The following NPAS3 variants were observed in gnomAD, a reference collection of about 807,000 sequenced individuals.
NPAS3 encodes neuronal PAS domain protein 3.
NPAS3 carries 14 observed loss-of-function variants against 73.1 expected under a neutral mutation model. The ratio of observed to expected loss-of-function variants is 0.19; its 90% CI spans 0.13 to 0.30. NPAS3 has a LOEUF of 0.30. Ranked by LOEUF, NPAS3 falls within the 10% of genes least tolerant of loss-of-function variation. The probability of loss-of-function intolerance (pLI) is 1.00; values close to 1 mark genes in which losing one functional copy is unlikely to be tolerated. For missense variants in NPAS3, 1,096 were observed against 1,250.0 expected, an observed-to-expected ratio of 0.88 and a Z score of 1.86; for synonymous variants, 620 against 541.5, an observed-to-expected ratio of 1.14 and a Z score of -2.01.
intron 3 of NPAS3, among the ~76,000 whole-genome samples, chr14:33,294,950 A>G (rs1418789307): frequency 6.6e-6 from 1 of 152,170 alleles, no homozygotes; most frequent in Non-Finnish European, 1.5e-5. Context: ...TTCCAATGTG[A>G]TGCTGTGGTG....
chr14:33,773,921 A>T (rs1383865270), intron 7 of NPAS3, among the ~76,000 whole-genome samples: 2 of 152,178 alleles, frequency 1.3e-5, no homozygotes, highest in Non-Finnish European at 1.5e-5. Context: ...CAGAAACCAC[A>T]CATCTGAAAG....
chr14:33,007,274 A>C (rs947112163), intron 1 of NPAS3, among the ~76,000 whole-genome samples: 1 of 152,236 alleles, frequency 6.6e-6, no homozygotes, highest in African/African-American at 2.4e-5. Flanking sequence ...GCCTAGAAGC[A>C]CGAGTCACTT....
intron 4 of NPAS3, among the ~76,000 whole-genome samples, chr14:33,513,209 A>G (rs2053141654): frequency 6.6e-6 from 1 of 152,010 alleles, no homozygotes; most frequent in South Asian, 2.1e-4. Context: ...GAAGTTGACA[A>G]AAATTTTTTC....
chr14:33,452,647 T>C (rs950907288), intron 4 of NPAS3, among the ~76,000 whole-genome samples: 1 of 151,558 alleles, frequency 6.6e-6, no homozygotes, highest in African/African-American at 2.4e-5. Context: ...TGATGGCGGG[T>C]GCCTGTAGTC....
chr14:33,266,624 C>T (rs779204199), intron 3 of NPAS3, among the ~76,000 whole-genome samples: 1 of 152,136 alleles, frequency 6.6e-6, no homozygotes, highest in Non-Finnish European at 1.5e-5. Context: ...CCTCATTTTA[C>T]AGATGAGATA....
At chr14:33,783,514 A>C (rs2063045970) in intron 9 of NPAS3, among the ~76,000 whole-genome samples, 1 of 147,246 alleles carries the variant, frequency 6.8e-6, no homozygotes. Context: ...AACCGAAAAA[A>C]CCGTCACAAG....
chr14:33,611,677 G>A (rs1287587877), intron 5 of NPAS3, among the ~76,000 whole-genome samples: 1 of 152,080 alleles, frequency 6.6e-6, no homozygotes, highest in Non-Finnish European at 1.5e-5. Flanking sequence ...AAGTAGTTGT[G>A]AAAATAAATT....
At chr14:33,431,319 G>T (rs538141334) in intron 4 of NPAS3, among the ~76,000 whole-genome samples, 2 of 152,264 alleles carry the variant, frequency 1.3e-5, no homozygotes, top group Admixed American at 1.3e-4. Context: ...AATACCAGGA[G>T]GTAGCTCTGA....
At chr14:33,716,204 C>T (rs2060952091) in intron 6 of NPAS3, among the ~76,000 whole-genome samples, 1 of 152,130 alleles carries the variant, frequency 6.6e-6, no homozygotes. Flanking sequence ...CTCAACTGCC[C>T]AGCAGAGTGT....
chr14:33,491,443 C>T (rs1178300207), intron 4 of NPAS3, among the ~76,000 whole-genome samples: 6 of 152,064 alleles, frequency 3.9e-5, no homozygotes, highest in Admixed American at 2.0e-4. Context: ...ATGATGGAAA[C>T]ATTCTATTTT....
chr14:33,669,012 T>G (rs2059536342), intron 5 of NPAS3, among the ~76,000 whole-genome samples: 1 of 152,174 alleles, frequency 6.6e-6, no homozygotes, highest in Non-Finnish European at 1.5e-5. Flanking sequence ...GTATCCAGCT[T>G]TAAATGACAA....
At chr14:33,655,932 G>C (rs1247905412) in intron 5 of NPAS3, among the ~76,000 whole-genome samples, 2 of 152,106 alleles carry the variant, frequency 1.3e-5, no homozygotes, top group African/African-American at 4.8e-5. Context: ...ACTCTGAGCA[G>C]AAATAAATTA....
intron 1 of NPAS3, among the ~76,000 whole-genome samples, chr14:33,023,769 A>G (rs993570843): frequency 2.0e-5 from 3 of 152,168 alleles, no homozygotes; most frequent in Non-Finnish European, 4.4e-5. Context: ...TTGTATTACA[A>G]TTGAGAGCCT....
chr14:33,675,509 G>A (rs2059736406), intron 5 of NPAS3, among the ~76,000 whole-genome samples: 1 of 152,114 alleles, frequency 6.6e-6, no homozygotes, highest in African/African-American at 2.4e-5. Flanking sequence ...AAGCCTTCAA[G>A]GAGATTTGTA....
intron 2 of NPAS3, among the ~76,000 whole-genome samples, chr14:33,206,479 T>A (rs887283101): frequency 5.9e-5 from 9 of 152,018 alleles, no homozygotes; most frequent in African/African-American, 2.2e-4. Flanking sequence ...GGAGGGAAAA[T>A]TTAAAAACTC....
intron 2 of NPAS3, among the ~76,000 whole-genome samples, chr14:33,103,066 A>G (rs2042623561): frequency 6.6e-6 from 1 of 152,176 alleles, no homozygotes; most frequent in Non-Finnish European, 1.5e-5. Flanking sequence ...AAGGAATTTA[A>G]GTTAAAAGAA....
intron 3 of NPAS3, among the ~76,000 whole-genome samples, chr14:33,240,581 T>C (rs887226201): frequency 3.3e-5 from 5 of 151,896 alleles, no homozygotes; most frequent in Admixed American, 2.0e-4. Flanking sequence ...TGGTTAGTAC[T>C]CTTCTTTAAT....
At chr14:33,669,408 C>T (rs1319535869) in intron 5 of NPAS3, among the ~76,000 whole-genome samples, 2 of 152,132 alleles carry the variant, frequency 1.3e-5, no homozygotes, top group African/African-American at 4.8e-5. Flanking sequence ...TGGGCTCATT[C>T]CTGTGATGTA....
intron 6 of NPAS3, among the ~76,000 whole-genome samples, chr14:33,705,144 A>C (rs1219504611): frequency 6.6e-6 from 1 of 152,166 alleles, no homozygotes; most frequent in Non-Finnish European, 1.5e-5. Flanking sequence ...CTGTCATATC[A>C]CACCAGTTTT....
Sources: gnomAD v4.1 joint callset for allele counts (sites outside exome capture counted in the v4.1 genomes callset) on GRCh38, gnomAD v4.1.1 for gene constraint, MANE v1.5 for transcripts, NCBI Gene and HGNC (gene_info 2026-07-23, HGNC 2026-07-21) for gene names.